The following TMEM74 variants were observed in gnomAD, a reference collection of about 807,000 sequenced individuals.
TMEM74 encodes the protein transmembrane protein 74.
Under a neutral mutation model 18.1 loss-of-function variants are expected in TMEM74, and 13 were observed. That is an observed-to-expected ratio of 0.72 (90% CI 0.47 to 1.14). The LOEUF (loss-of-function observed/expected upper bound fraction) is 1.14, where lower values mean the gene tolerates loss of function less well. Among genes scored for constraint, TMEM74 ranks in the 50% most tolerant of loss-of-function variants. The pLI is 0.00. For missense variants in TMEM74, 372 were observed against 375.9 expected, an observed-to-expected ratio of 0.99 and a Z score of 0.09; for synonymous variants, 159 against 146.6, an observed-to-expected ratio of 1.08 and a Z score of -0.61.
At chr8:108,749,482 AT>A (rs1267539743) in intron 1 of TMEM74, among the ~76,000 whole-genome samples, 1 of 151,998 alleles carries the variant, frequency 6.6e-6, no homozygotes, top group Non-Finnish European at 1.5e-5. Flanking sequence ...GATGCTAGCA[AT>A]TTTTTCACAT....
chr8:108,679,250 TG>T (rs1209690417), intron 1 of TMEM74, among the ~76,000 whole-genome samples: 1 of 152,224 alleles, frequency 6.6e-6, no homozygotes. Flanking sequence ...TATAATCCTT[TG>T]GGTATATACC....
Position 108,728,642 on chromosome 8 carries a change from T to C in TMEM74, n.119+58834A>G, listed in dbSNP as rs966867440. ...TATATTCAGGAAGGCTAGTCCTGGGTCACATATATGATTAGTGTTAGTAAA... is the reference window on the plus strand; with the variant it reads ...TATATTCAGGAAGGCTAGTCCTGGGCCACATATATGATTAGTGTTAGTAAA... On this transcript the variant is annotated intron_variant and non_coding_transcript_variant, in intron 1 of 3. Coordinates refer to the TMEM74 transcript ENST00000518838. Among the ~76,000 whole-genome samples the C allele has an allele frequency of 2.0e-5, 3 of 152,180 alleles. No individual in the cohort carries two copies. In the East Asian group the frequency reaches 5.8e-4, roughly 29 times the overall value.
At chr8:108,772,445 A>G (rs1469300695) in intron 1 of TMEM74, among the ~76,000 whole-genome samples, 1 of 152,172 alleles carries the variant, frequency 6.6e-6, no homozygotes, top group Non-Finnish European at 1.5e-5. Context: ...TTATTCTCCT[A>G]GAGTTTTAAA....
rs923628415 is a variant in TMEM74 at position 108,782,823 on chromosome 8, C to T, written c.*1358G>A. Among the ~76,000 whole-genome samples the T allele has an allele frequency of 2.0e-5, 3 of 152,162 alleles. No individual in the cohort carries two copies. The highest frequency in any genetic ancestry group is 6.5e-5 in the Admixed American group (1 of 15,272). On this transcript the variant is annotated 3_prime_UTR_variant, in exon 2 of 2. Coordinates refer to ENST00000297459, the MANE Select transcript of TMEM74 (RefSeq NM_153015.3). ...CTCTTAGAGCACAGGTTGGAAAAAC[C>T]TCCAGGCAGAGTTGCAAAATGTAAG...
At chr8:108,695,757 G>A (rs1813275712) in intron 1 of TMEM74, among the ~76,000 whole-genome samples, 1 of 152,136 alleles carries the variant, frequency 6.6e-6, no homozygotes, top group African/African-American at 2.4e-5. Context: ...ACTAAAAAAA[G>A]GGGGAAGGGG....
In TMEM74 at chr8:108,730,634, C is replaced by CTTTTTTTTTTTTTTTTTTTTT. The variant is rs1199122765; in HGVS notation, n.119+56841_119+56842insAAAAAAAAAAAAAAAAAAAAA. Among the ~76,000 whole-genome samples, 13 of 132,182 alleles carry CTTTTTTTTTTTTTTTTTTTTT rather than the reference C, an allele frequency of 9.8e-5. 1 individual carries two copies. Among genetic ancestry groups the CTTTTTTTTTTTTTTTTTTTTT allele is most frequent in the African/African-American group, 3.7e-4 (12 of 32,674 alleles). 86.7% of individuals were successfully genotyped at this position (132,182 alleles called of 152,430 possible). On this transcript the variant is annotated intron_variant and non_coding_transcript_variant, in intron 1 of 3. Transcript: ENST00000518838. ...TTAGCTTTAAATGTATGCAGACTTC[C>CTTTTTTTTTTTTTTTTTTTTT]TTTTTTTTTTTTTTTTTGTGACGGA...
At chr8:108,688,948 G>T (rs953173790) in intron 1 of TMEM74, among the ~76,000 whole-genome samples, 3 of 152,310 alleles carry the variant, frequency 2.0e-5, no homozygotes, top group East Asian at 1.9e-4. Context: ...CTCCTCTGCA[G>T]ATGTACAAAC....
At chr8:108,609,062 T>G (rs1812308007) in intron 2 of TMEM74, among the ~76,000 whole-genome samples, 1 of 152,198 alleles carries the variant, frequency 6.6e-6, no homozygotes, top group South Asian at 2.1e-4. Context: ...TGAGTCAGTT[T>G]GAAGCTAGGT....
At chr8:108,662,890 A>G (rs1812914208) in intron 1 of TMEM74, among the ~76,000 whole-genome samples, 1 of 152,124 alleles carries the variant, frequency 6.6e-6, no homozygotes. Flanking sequence ...CACCCTGTTT[A>G]CCACAGGTAG....
At chr8:108,634,823 A>G (rs1018417080) in intron 2 of TMEM74, among the ~76,000 whole-genome samples, 1 of 152,034 alleles carries the variant, frequency 6.6e-6, no homozygotes, top group Non-Finnish European at 1.5e-5. Context: ...CACAGCACCA[A>G]GGAGCCTCCA....
At chr8:108,688,458 G>T (rs1813193885) in intron 1 of TMEM74, among the ~76,000 whole-genome samples, 1 of 152,094 alleles carries the variant, frequency 6.6e-6, no homozygotes, top group Admixed American at 6.6e-5. Flanking sequence ...GGGGAGCAAG[G>T]GCTTCCAGTC....
intron 1 of TMEM74, among the ~76,000 whole-genome samples, chr8:108,716,876 A>C (rs1168976063): frequency 6.6e-6 from 1 of 151,058 alleles, no homozygotes; most frequent in Non-Finnish European, 1.5e-5. Context: ...ATATAAACAG[A>C]GAGAGGGAAC....
chr8:108,771,440 A>T (rs1483619142), intron 1 of TMEM74, among the ~76,000 whole-genome samples: 2 of 152,324 alleles, frequency 1.3e-5, no homozygotes, highest in South Asian at 4.1e-4. Context: ...AATATATAAC[A>T]AAATACAAAA....
chr8:108,747,515 C>T (rs1813861163), intron 1 of TMEM74, among the ~76,000 whole-genome samples: 1 of 152,016 alleles, frequency 6.6e-6, no homozygotes, highest in Non-Finnish European at 1.5e-5. Flanking sequence ...GCTCTATGAT[C>T]TCCAGCAGCA....
chr8:108,617,947 C>T (rs1812402242), intron 2 of TMEM74, among the ~76,000 whole-genome samples: 2 of 152,104 alleles, frequency 1.3e-5, no homozygotes, highest in South Asian at 4.2e-4. Flanking sequence ...CAGCATGGGT[C>T]GTGATGCTAA....
intron 2 of TMEM74, among the ~76,000 whole-genome samples, chr8:108,624,699 A>G (rs1812477818): frequency 6.6e-6 from 1 of 152,008 alleles, no homozygotes; most frequent in South Asian, 2.1e-4. Context: ...ATAGGCATTG[A>G]GTATATTTGG....
intron 1 of TMEM74, among the ~76,000 whole-genome samples, chr8:108,708,247 G>T (rs1245989463): frequency 7.4e-6 from 1 of 135,516 alleles, no homozygotes; most frequent in Non-Finnish European, 1.5e-5. Flanking sequence ...TGGTGTATAT[G>T]TAACACCTTT....
chr8:108,723,050 C>T (rs1813601136), intron 1 of TMEM74, among the ~76,000 whole-genome samples: 2 of 152,176 alleles, frequency 1.3e-5, no homozygotes, highest in African/African-American at 4.8e-5. Context: ...GCTGAGCACA[C>T]ACGCATCTCT....
At chr8:108,750,306 T>C (rs1391062288) in intron 1 of TMEM74, among the ~76,000 whole-genome samples, 1 of 152,116 alleles carries the variant, frequency 6.6e-6, no homozygotes, top group Non-Finnish European at 1.5e-5. Flanking sequence ...CCTATTAACA[T>C]CTTATGGATT....
Sources: gnomAD v4.1 joint callset for allele counts (sites outside exome capture counted in the v4.1 genomes callset) on GRCh38, gnomAD v4.1.1 for gene constraint, MANE v1.5 for transcripts, NCBI Gene and HGNC (gene_info 2026-07-23, HGNC 2026-07-21) for gene names.